Variants in DMXL1 observed in about 807,000 individuals in gnomAD.
DMXL1 encodes the protein dmX-like protein 1.
Under a neutral mutation model 319.2 loss-of-function variants are expected in DMXL1, and 99 were observed. The ratio of observed to expected loss-of-function variants is 0.31; its 90% CI spans 0.26 to 0.37. The LOEUF (loss-of-function observed/expected upper bound fraction) is 0.37. Ranked by LOEUF, DMXL1 falls within the 10% of genes least tolerant of loss-of-function variation. The probability of loss-of-function intolerance (pLI) is 1.00; values close to 1 mark genes in which losing one functional copy is unlikely to be tolerated. For missense variants in DMXL1, 3,745 were observed against 3,595.6 expected (o/e 1.04, Z -1.06); for synonymous variants, 1,385 against 1,235.2 (o/e 1.12, Z -2.54).
chr5:119,216,678 A>G (rs1481267700), intron 34 of DMXL1, among the ~76,000 whole-genome samples: 1 of 152,204 alleles, frequency 6.6e-6, no homozygotes, highest in East Asian at 1.9e-4. Flanking sequence ...TGTATGTTGT[A>G]TCAGCTGTTT....
chr5:119,161,911 C>A (rs1230675916), intron 19 of DMXL1, among the ~76,000 whole-genome samples: 1 of 152,154 alleles, frequency 6.6e-6, no homozygotes, highest in Non-Finnish European at 1.5e-5. Context: ...CACAGAGCTA[C>A]CACCAACGTC....
chr5:119,158,224 A>G (rs1472828389), intron 19 of DMXL1, among the ~76,000 whole-genome samples: 2 of 138,964 alleles, frequency 1.4e-5, no homozygotes, highest in South Asian at 4.5e-4. Flanking sequence ...TTTTTTTTTT[A>G]AGTAGCAATG....
At chr5:119,208,718 G>A (rs942858512) in intron 34 of DMXL1, among the ~76,000 whole-genome samples, 1 of 152,016 alleles carries the variant, frequency 6.6e-6, no homozygotes, top group Non-Finnish European at 1.5e-5. Context: ...AGGTATGCCT[G>A]ACCTAAAATA....
At chr5:119,192,645 A>G (rs559561501) in intron 29 of DMXL1, among the ~76,000 whole-genome samples, 8 of 152,334 alleles carry the variant, frequency 5.3e-5, no homozygotes, top group Admixed American at 2.0e-4. Context: ...TCTTCTTAGC[A>G]TCATTCAACA....
At chr5:119,140,953 A>G (rs1388762400) in intron 13 of DMXL1, among the ~76,000 whole-genome samples, 2 of 152,296 alleles carry the variant, frequency 1.3e-5, no homozygotes, top group South Asian at 2.1e-4. Context: ...TTTGTTCAAC[A>G]TATGAAAATT....
intron 7 of DMXL1, 97 bp downstream of exon 7, chr5:119,116,433 C>G: frequency 7.8e-7 from 1 of 1,288,136 alleles, no homozygotes; most frequent in Non-Finnish European, 1.1e-6. Flanking sequence ...AGTTACAGGA[C>G]TTCTGAGCCT....
rs1272214568 is a variant in DMXL1, at chr5:119,071,612, G to A, written c.43G>A (p.Asp15Asn). ...QVLTGAVNPGDHCFSVGSIGD... is the reference protein window; with the variant it reads ...QVLTGAVNPGNHCFSVGSIGD... ...GCTGACCGGGGCTGTGAACCCTGGC[G>A]ACCACTGCTTCTCCGTGGGCAGCAT... The change falls in exon 1 of 44, where the codon GAC becomes AAC. Residue 15 changes from aspartate to asparagine, a missense_variant. Around this residue, in one of 4 missense-constraint regions of DMXL1, gnomAD observed 2,096 missense variants for 1,985.4 expected, o/e 1.06. Coordinates refer to ENST00000539542, the MANE Select transcript of DMXL1 (RefSeq NM_001290321.3). 2 of 1,604,988 alleles carry A rather than the reference G, an allele frequency of 1.2e-6. No homozygotes were observed. Among genetic ancestry groups the A allele is most frequent in the Admixed American group, 1.7e-5 (1 of 59,186 alleles).
rs1769503411 is a variant in DMXL1, at chr5:119,150,393, T to C, written c.4566T>C (p.Asp1522=). The change falls in exon 18 of 44, where the codon GAT becomes GAC. Residue 1522 remains aspartate (D), a synonymous_variant. Transcript: ENST00000539542. ...ATACAATTGCAACTACAAGCACTGATATTGGAGAAAGCCGAGACAGAAGCC... is the reference window on the plus strand; with the variant it reads ...ATACAATTGCAACTACAAGCACTGACATTGGAGAAAGCCGAGACAGAAGCC... The part of the protein sequence containing the change: ...LADTIATTST[D]IGESRDRSQG... The C allele has an allele frequency of 1.9e-6, 3 of 1,612,676 alleles. No individual in the cohort carries two copies. Among genetic ancestry groups the C allele is most frequent in the African/African-American group, 1.3e-5 (1 of 74,822 alleles).
intron 16 of DMXL1, 48 bp from the exon 17 acceptor site, chr5:119,147,201 A>G: frequency 1.3e-6 from 2 of 1,498,638 alleles, no homozygotes; most frequent in East Asian, 2.3e-5. Flanking sequence ...CGTAATATTT[A>G]TAGGGTTCCC....
chr5:119,127,282 T>C (rs1158201627), intron 9 of DMXL1: 4 of 223,032 alleles, frequency 1.8e-5, no homozygotes, highest in Non-Finnish European at 2.8e-5. Context: ...TTCCTCTGAC[T>C]CTCTTGCCAT....
At chr5:119,119,035 A>G in intron 8 of DMXL1, 31 bp downstream of exon 8, 1 of 1,519,824 alleles carries the variant, frequency 6.6e-7, no homozygotes, top group Non-Finnish European at 9.0e-7. Flanking sequence ...ACTTACTACA[A>G]GTTTTAAAAC....
Position 119,143,887 on chromosome 5 carries a change from C to G in DMXL1, c.2423C>G (p.Ala808Gly). Residue 808 changes from alanine (A) to glycine (G), a missense_variant, in exon 14 of 44, where the codon GCC becomes GGC. Ala to Gly is a moderately conservative substitution (Grantham distance 60). This residue lies in a region of DMXL1 where 2,096 missense variants were observed against 1,985.4 expected (regional missense o/e 1.06). Coordinates refer to ENST00000539542, the MANE Select transcript of DMXL1 (RefSeq NM_001290321.3). ...VFNIVSQQST[A>G]RPGCIIALDP... ...AACATCGTCAGTCAACAATCAACAG[C>G]CAGGCCAGGATGCATTATTGCATTA... The G allele has an allele frequency of 1.3e-6, 2 of 1,585,714 alleles. No individual in the cohort carries two copies. Among genetic ancestry groups the G allele is most frequent in the Non-Finnish European group, 8.6e-7 (1 of 1,166,384 alleles).
At chr5:119,090,359 G>GT (rs1754486373) in intron 1 of DMXL1, among the ~76,000 whole-genome samples, 1 of 151,666 alleles carries the variant, frequency 6.6e-6, no homozygotes, top group Non-Finnish European at 1.5e-5. Flanking sequence ...TCTGTTTGGG[G>GT]TTTTTTGGCC....
chr5:119,218,918 A>G (rs947480787), intron 35 of DMXL1, among the ~76,000 whole-genome samples: 2 of 152,156 alleles, frequency 1.3e-5, no homozygotes, highest in African/African-American at 4.8e-5. Context: ...ATTTTACCTT[A>G]AATTAAAACT....
At chr5:119,210,757 G>GTTTTTTTTTTTTTTTTTTTTTTTC in intron 34 of DMXL1, among the ~76,000 whole-genome samples, 2 of 89,778 alleles carry the variant, frequency 2.2e-5, no homozygotes, top group African/African-American at 4.1e-5. Context: ...TTTTTCTTTC[G>GTTTTTTTTTTTTTTTTTTTTTTTC]TTTTTTTTTT....
intron 1 of DMXL1, among the ~76,000 whole-genome samples, chr5:119,083,382 C>A (rs1425839140): frequency 6.6e-6 from 1 of 151,918 alleles, no homozygotes; most frequent in Non-Finnish European, 1.5e-5. Flanking sequence ...ACATTTTTTT[C>A]ATCCACTGAT....
intron 25 of DMXL1, among the ~76,000 whole-genome samples, chr5:119,174,337 TTG>T: frequency 6.9e-6 from 1 of 145,098 alleles, no homozygotes; most frequent in East Asian, 2.1e-4. Context: ...TTCACTTCTG[TTG>T]GGTCCTCTTG....
chr5:119,078,095 G>T (rs1214514342), intron 1 of DMXL1, among the ~76,000 whole-genome samples: 1 of 151,728 alleles, frequency 6.6e-6, no homozygotes. Flanking sequence ...GAATTTAGTG[G>T]TACAAGGATT....
chr5:119,133,408 G>A (rs1426583159), intron 11 of DMXL1, 23 bp downstream of exon 11: 2 of 1,599,846 alleles, frequency 1.3e-6, no homozygotes, highest in African/African-American at 1.3e-5. Context: ...TTTCTGGAGA[G>A]CTACTTCCTT....
Sources: gnomAD v4.1 joint callset for allele counts (sites outside exome capture counted in the v4.1 genomes callset) on GRCh38, gnomAD v4.1.1 for gene constraint, gnomAD v4.1.1 regional missense constraint, MANE v1.5 for transcripts, NCBI Gene and HGNC (gene_info 2026-07-23, HGNC 2026-07-21) for gene names.